Variants in ATG10 observed in about 807,000 individuals in gnomAD.
ATG10 encodes the protein autophagy related 10.
In ATG10, 30 loss-of-function variants were observed where a neutral mutation model predicts 32.1. The observed-to-expected ratio is 0.94, with a 90% confidence interval of 0.70 to 1.27. ATG10 has a LOEUF of 1.27. Ranked by LOEUF, ATG10 falls within the 50% of genes most tolerant of loss-of-function variation. The pLI is 0.00. For synonymous variants in ATG10, 87 were observed against 91.5 expected, an observed-to-expected ratio of 0.95 and a Z score of 0.28; for missense variants, 233 against 262.3, an observed-to-expected ratio of 0.89 and a Z score of 0.77.
At chr5:82,248,471 G>A (rs986311065) in intron 5 of ATG10, among the ~76,000 whole-genome samples, 2 of 152,106 alleles carry the variant, frequency 1.3e-5, no homozygotes, top group African/African-American at 4.8e-5. Context: ...GAGGAGGAGG[G>A]GATATGGAAG....
intron 3 of ATG10, among the ~76,000 whole-genome samples, chr5:82,137,231 C>A (rs1766797091): frequency 6.6e-6 from 1 of 152,170 alleles, no homozygotes; most frequent in Non-Finnish European, 1.5e-5. Context: ...CAAACTCATT[C>A]TCCATCAAGT....
At chr5:82,081,160 G>A (rs1428337807) in intron 3 of ATG10, among the ~76,000 whole-genome samples, 2 of 152,150 alleles carry the variant, frequency 1.3e-5, no homozygotes, top group African/African-American at 2.4e-5. Flanking sequence ...TTGGCTGATT[G>A]TCTGTTGTTG....
At chr5:82,073,079 A>G (rs1440811252) in intron 3 of ATG10, 1 of 152,198 alleles carries the variant, frequency 6.6e-6, no homozygotes. Flanking sequence ...GTAATTCTCA[A>G]TTCATGAGCT....
chr5:82,016,491 A>G (rs1405572971), intron 2 of ATG10, among the ~76,000 whole-genome samples: 3 of 152,120 alleles, frequency 2.0e-5, no homozygotes, highest in Non-Finnish European at 4.4e-5. Flanking sequence ...GCTTTATAGT[A>G]TAGTTTGAAG....
chr5:82,116,821 ACAT>A (rs1412155085), intron 3 of ATG10, among the ~76,000 whole-genome samples: 4 of 152,056 alleles, frequency 2.6e-5, no homozygotes, highest in Non-Finnish European at 5.9e-5. Flanking sequence ...CCAGGGTAAA[ACAT>A]CATATGGGTA....
intron 1 of ATG10, among the ~76,000 whole-genome samples, chr5:81,982,418 A>G (rs1169674046): frequency 6.6e-6 from 1 of 152,190 alleles, no homozygotes; most frequent in Non-Finnish European, 1.5e-5. Flanking sequence ...GTGAACCGAT[A>G]TCATGCCACT....
At chr5:82,040,601 A>T (rs1247096405) in intron 2 of ATG10, among the ~76,000 whole-genome samples, 1 of 152,256 alleles carries the variant, frequency 6.6e-6, no homozygotes, top group Non-Finnish European at 1.5e-5. Context: ...AGTTGTATTT[A>T]TAGTATGACT....
chr5:82,031,816 TC>T (rs1396149412), intron 2 of ATG10, among the ~76,000 whole-genome samples: 1 of 152,238 alleles, frequency 6.6e-6, no homozygotes, highest in African/African-American at 2.4e-5. Flanking sequence ...ACCTGTTGTT[TC>T]TCCAGCAGAA....
At chr5:82,110,770 A>G (rs914651233) in intron 3 of ATG10, among the ~76,000 whole-genome samples, 1 of 152,016 alleles carries the variant, frequency 6.6e-6, no homozygotes, top group Non-Finnish European at 1.5e-5. Context: ...CTCTGATGGT[A>G]GTTTCTTTTG....
At chr5:82,178,461 A>C in intron 4 of ATG10, 29 bp from the exon 5 acceptor site, 1 of 1,339,136 alleles carries the variant, frequency 7.5e-7, no homozygotes, top group Non-Finnish European at 1.1e-6. Context: ...ATGAATTACT[A>C]ACTCAGTCTT....
intron 5 of ATG10, among the ~76,000 whole-genome samples, chr5:82,184,896 C>T (rs1016764604): frequency 1.3e-5 from 2 of 152,206 alleles, no homozygotes; most frequent in Non-Finnish European, 2.9e-5. Flanking sequence ...GCAGAAACAT[C>T]AGGTGGCTGT....
At chr5:82,015,791 AG>A (rs1402149222) in intron 2 of ATG10, among the ~76,000 whole-genome samples, 1 of 152,180 alleles carries the variant, frequency 6.6e-6, no homozygotes, top group East Asian at 1.9e-4. Flanking sequence ...TTTAGCTCAG[AG>A]AAGTTTGATC....
intron 2 of ATG10, among the ~76,000 whole-genome samples, chr5:82,029,953 G>A (rs1206505811): frequency 6.6e-6 from 1 of 152,150 alleles, no homozygotes; most frequent in Non-Finnish European, 1.5e-5. Flanking sequence ...AGGAAACTAA[G>A]GTCACATGTA....
chr5:82,013,700 G>T (rs747090858), intron 2 of ATG10, among the ~76,000 whole-genome samples: 3 of 151,908 alleles, frequency 2.0e-5, no homozygotes, highest in Non-Finnish European at 2.9e-5. Context: ...TGGCCATTTT[G>T]CAGGAGTGAG....
intron 2 of ATG10, among the ~76,000 whole-genome samples, chr5:82,011,772 C>A (rs1762133859): frequency 6.6e-6 from 1 of 152,108 alleles, no homozygotes; most frequent in Admixed American, 6.5e-5. Context: ...CAACCATGTC[C>A]TCTGCGTCTA....
chr5:82,172,223 A>G (rs1423435038), intron 4 of ATG10, among the ~76,000 whole-genome samples: 1 of 152,230 alleles, frequency 6.6e-6, no homozygotes, highest in East Asian at 1.9e-4. Flanking sequence ...ACTAATATGC[A>G]TGTATAACTT....
At chr5:82,174,214 A>G (rs1231528894) in intron 4 of ATG10, among the ~76,000 whole-genome samples, 1 of 152,226 alleles carries the variant, frequency 6.6e-6, no homozygotes, top group Non-Finnish European at 1.5e-5. Context: ...GAAGGTGTGA[A>G]CTGTGACTAG....
intron 2 of ATG10, among the ~76,000 whole-genome samples, chr5:82,030,065 G>T (rs1178975872): frequency 6.6e-6 from 1 of 152,120 alleles, no homozygotes; most frequent in African/African-American, 2.4e-5. Flanking sequence ...CCCACCACTG[G>T]TCTCAAGGCA....
intron 5 of ATG10, among the ~76,000 whole-genome samples, chr5:82,205,917 T>C (rs2149970687): frequency 6.6e-6 from 1 of 152,232 alleles, no homozygotes; most frequent in East Asian, 1.9e-4. Context: ...AAGAAAGTGG[T>C]TGGTGTGACA....
Sources: allele counts gnomAD v4.1 joint callset (sites outside exome capture counted in the v4.1 genomes callset), GRCh38; gene constraint gnomAD v4.1.1; transcripts MANE v1.5; gene names NCBI Gene and HGNC (gene_info 2026-07-23, HGNC 2026-07-21).